DDHD2: variants seen among roughly 807,000 people sequenced by gnomAD.
DDHD2 encodes DDHD domain containing 2, also known as triacylglycerol hydrolase DDHD2.
In DDHD2, 62 loss-of-function variants were observed where a neutral mutation model predicts 91.2. That is an observed-to-expected ratio of 0.68 (90% CI 0.55 to 0.84). DDHD2 has a LOEUF of 0.84. Among genes scored for constraint, DDHD2 ranks in the 40% least tolerant of loss-of-function variants. DDHD2 has a pLI of 0.00. For missense variants in DDHD2, 740 were observed against 846.9 expected (o/e 0.87, Z 1.57); for synonymous variants, 271 against 293.9 (o/e 0.92, Z 0.80).
At chr8:38,252,667 A>G (rs1806202477) in intron 13 of DDHD2, 55 bp from the exon 14 acceptor site, 1 of 1,236,044 alleles carries the variant, frequency 8.1e-7, no homozygotes, top group African/African-American at 1.5e-5. Flanking sequence ...AAAGTTATAT[A>G]GTTTCCAGAC....
chr8:38,247,655 A>G, intron 9 of DDHD2, 58 bp from the exon 10 acceptor site: 1 of 1,125,834 alleles, frequency 8.9e-7, no homozygotes, highest in Admixed American at 2.8e-5. Context: ...ACTGCAAAAT[A>G]GTATTAAAGG....
At chr8:38,269,576 A>T (rs75408391) in intron 1 of DDHD2, 8,069 of 257,022 alleles carry the variant, frequency 0.031, 173 homozygotes, top group Admixed American at 0.051. Context: ...ACACAGCCGC[A>T]TTCTGCAGGA....
chr8:38,240,418 A>G (rs1413640221), intron 6 of DDHD2, 54 bp downstream of exon 6: 19 of 1,307,542 alleles, frequency 1.5e-5, no homozygotes, highest in Non-Finnish European at 2.1e-5. Context: ...GTGAGCTGAG[A>G]TAAAGCCTTG....
In DDHD2 at chr8:38,233,032, A is replaced by G; in HGVS notation, c.38A>G (p.Gln13Arg). 6.2e-7 allele frequency: 1 copy of G among 1,614,206 alleles called. No individual in the cohort carries two copies. Among genetic ancestry groups the G allele is most frequent in the Admixed American group, 1.7e-5 (1 of 60,022 alleles). Residue 13 changes from glutamine to arginine, a missense_variant, in exon 2 of 18, where the codon CAG (glutamine) becomes CGG (arginine). Transcript: ENST00000397166. ...CAGTCACAACAGGAGCAGTTGTCCC[A>G]GTCAGATCCATCTCCGTCACCAAAC... ...SVQSQQEQLS[Q>R]SDPSPSPNSC... is the part of the protein sequence containing the mutation.
intron 5 of DDHD2, 108 bp downstream of exon 5, chr8:38,238,317 T>G (rs779674277): frequency 5.3e-6 from 8 of 1,521,960 alleles, no homozygotes; most frequent in Non-Finnish European, 5.3e-6. Context: ...AAAATCATCT[T>G]TAATCATATG....
At chr8:38,271,431 G>C (rs1226202147), downstream of DDHD2, 1 of 151,938 alleles carries the variant, frequency 6.6e-6, no homozygotes, top group Non-Finnish European at 1.5e-5. Context: ...GAGAAAGGGG[G>C]TTCCCTTTCT....
At chr8:38,265,130 G>C (rs1585797325), downstream of DDHD2, 1 of 560,312 alleles carries the variant, frequency 1.8e-6, no homozygotes, top group East Asian at 3.1e-5. Flanking sequence ...GCCGGGCGTG[G>C]TGGCATGTGC....
At chr8:38,268,853 G>A (rs1051002960) in intron 1 of DDHD2, 16 of 1,526,604 alleles carry the variant, frequency 1.0e-5, no homozygotes, top group Admixed American at 2.3e-5. Context: ...GTCATGGGGA[G>A]GGAGGAAAGA....
intron 4 of DDHD2, 97 bp from the exon 5 acceptor site, chr8:38,237,992 T>C: frequency 8.0e-7 from 1 of 1,245,136 alleles, no homozygotes; most frequent in Non-Finnish European, 1.1e-6. Flanking sequence ...GATTTTACTG[T>C]GTGGTTTGAA....
chr8:38,255,194 CAAAAAAAAAAA>C (rs34259167), intron 16 of DDHD2: 1 of 114,112 alleles, frequency 8.8e-6, no homozygotes, highest in African/African-American at 6.9e-5. Context: ...GACTCCATCT[CAAAAAAAAAAA>C]AAAAAAAAGC....
rs528518755 is a variant in DDHD2 at position 38,262,326 on chromosome 8, G to A, written c.*1753G>A. On this transcript the variant is annotated 3_prime_UTR_variant, in exon 18 of 18. Transcript: ENST00000397166. Reference sequence around the variant, plus strand: ...AAGAGTAAACCAAAGGATAAGCAGAGGGAGTCCCTATAACCAAAGATGGAC... The same window carrying A: ...AAGAGTAAACCAAAGGATAAGCAGAAGGAGTCCCTATAACCAAAGATGGAC... 1.3e-5 allele frequency: 2 copies of A among 152,150 alleles called. No individual in the cohort carries two copies. Among genetic ancestry groups the A allele is most frequent in the African/African-American group, 2.4e-5 (1 of 41,428 alleles). 9.4% of individuals were successfully genotyped at this position (152,150 alleles called of 1,614,324 possible).
downstream of DDHD2, chr8:38,263,156 A>T (rs1264671216): frequency 6.5e-6 from 1 of 153,644 alleles, no homozygotes; most frequent in Admixed American, 6.5e-5. Flanking sequence ...GGTTTACTGA[A>T]GGAAAAAGAT....
rs142190071 is a variant in DDHD2, at chr8:38,247,755, C to A, written c.1168C>A (p.Leu390Ile). The change falls in exon 10 of 18, where the codon CTA becomes ATA. Residue 390 changes from leucine to isoleucine, a missense_variant. By Grantham distance (5) the Leu-to-Ile change is conservative (BLOSUM62 2). Transcript: ENST00000397166. ...AATGGATCAAGGAGATACACCTACA[C>A]TAGAGGAAGATTTGAAGAAACTTCA... ...IVMDQGDTPT[L>I]EEDLKKLQLS... The A allele has an allele frequency of 1.2e-4, 188 of 1,574,176 alleles. 1 individual carries two copies. In the East Asian group the frequency reaches 4.3e-3, roughly 36 times the overall value.
At chr8:38,242,228 A>G (rs770126588) in intron 6 of DDHD2, 22 bp from the exon 7 acceptor site, 7 of 1,568,236 alleles carry the variant, frequency 4.5e-6, no homozygotes, top group African/African-American at 4.1e-5. Context: ...TTGTTGATGC[A>G]TAAGTTAATT....
chr8:38,264,255 C>T (rs189610651), downstream of DDHD2: 455 of 744,100 alleles, frequency 6.1e-4, 3 homozygotes, highest in African/African-American at 7.4e-3. Context: ...TCAAGCAATT[C>T]TCCTACCTCA....
chr8:38,258,361 T>C (rs1228447812), intron 16 of DDHD2, among the ~76,000 whole-genome samples: 1 of 152,104 alleles, frequency 6.6e-6, no homozygotes, highest in East Asian at 1.9e-4. Context: ...CAAATGATTT[T>C]CCTGCCTCAG....
chr8:38,263,474 A>G, downstream of DDHD2: 4 of 985,354 alleles, frequency 4.1e-6, no homozygotes, highest in African/African-American at 1.7e-5. Flanking sequence ...AGAAACAGTC[A>G]TCTGTTAGTA....
rs568567517 is a variant in DDHD2 at position 38,254,954 on chromosome 8, A to G, written c.2054+1236A>G. On this transcript the variant is annotated intron_variant, in intron 16 of 17. Transcript: ENST00000397166. ...AGTTGACATAAAAATAAAGTAAGGG[A>G]AATAAGATGGGTCAGAGATAAGTGT... Among the ~76,000 whole-genome samples, 8 of 152,190 alleles carry G rather than the reference A, an allele frequency of 5.3e-5. No homozygotes were observed. The East Asian group carries it at 1.5e-3, about 29-fold the overall frequency.
chr8:38,249,275 G>A (rs1480977162), intron 10 of DDHD2, among the ~76,000 whole-genome samples: 2 of 151,682 alleles, frequency 1.3e-5, no homozygotes, highest in Non-Finnish European at 2.9e-5. Flanking sequence ...ACTGCGCCTG[G>A]CTAATTTTTT....
Sources: gnomAD v4.1 joint callset for allele counts (sites outside exome capture counted in the v4.1 genomes callset) on GRCh38, gnomAD v4.1.1 for gene constraint, MANE v1.5 for transcripts, NCBI Gene and HGNC (gene_info 2026-07-23, HGNC 2026-07-21) for gene names.